RASGRF1: variants seen among roughly 807,000 people sequenced by gnomAD.
The protein encoded by RASGRF1 is ras-specific guanine nucleotide-releasing factor 1.
RASGRF1 carries 40 observed loss-of-function variants against 138.7 expected under a neutral mutation model. That is an observed-to-expected ratio of 0.29 (90% CI 0.22 to 0.38). RASGRF1 has a LOEUF of 0.38. Among genes scored for constraint, RASGRF1 ranks in the 10% least tolerant of loss-of-function variants. The probability of loss-of-function intolerance (pLI) is 1.00; values close to 1 mark genes in which losing one functional copy is unlikely to be tolerated. For missense variants in RASGRF1, 1,108 were observed against 1,650.4 expected, an observed-to-expected ratio of 0.67 and a Z score of 5.69; for synonymous variants, 614 against 663.2, an observed-to-expected ratio of 0.93 and a Z score of 1.14.
chr15:79,036,638 T>G (rs549112617), intron 5 of RASGRF1, among the ~76,000 whole-genome samples: 3 of 152,020 alleles, frequency 2.0e-5, no homozygotes, highest in East Asian at 1.9e-4. Context: ...CAGGGGCCAG[T>G]TGATGGAGGG....
In RASGRF1 at chr15:79,073,690, C is replaced by T. The variant is rs1176081241; in HGVS notation, c.277-9164G>A. On this transcript the variant is annotated intron_variant, in intron 1 of 26. Coordinates refer to ENST00000558480, the MANE Select transcript of RASGRF1 (RefSeq NM_001145648.3). This position sits in a 1 kb window ranked among gnomAD's most constrained non-coding sequence, Gnocchi z 4.2. ...GGACAAGACTGGCTGCCCTGGAACA[C>T]CTGGATTCCACCTCTTCTCAGTTAC... Among the ~76,000 whole-genome samples the T allele has an allele frequency of 6.6e-6, 1 of 152,142 alleles. No homozygotes were observed. Among genetic ancestry groups the T allele is most frequent in the Admixed American group, 6.5e-5 (1 of 15,288 alleles).
At chr15:79,015,189 A>G (rs2056861305) in intron 13 of RASGRF1, 138 bp downstream of exon 13, 14 of 739,604 alleles carry the variant, frequency 1.9e-5, no homozygotes, top group Non-Finnish European at 2.8e-5. Context: ...AAACAAGAAA[A>G]CATCCAAAAC....
chr15:79,019,931 A>G (rs943358606), intron 11 of RASGRF1, 110 bp downstream of exon 11: 4 of 1,364,322 alleles, frequency 2.9e-6, no homozygotes, highest in African/African-American at 2.8e-5. Context: ...TCCGCACTTC[A>G]GCATCCTCCA....
intron 12 of RASGRF1, among the ~76,000 whole-genome samples, chr15:79,016,585 T>C (rs934450973): frequency 6.6e-5 from 10 of 152,214 alleles, no homozygotes; most frequent in Non-Finnish European, 1.5e-5. Context: ...CCCAGGCCTT[T>C]GACGGCTGCG....
chr15:79,049,251 G>A (rs1374850753), intron 4 of RASGRF1, among the ~76,000 whole-genome samples: 1 of 152,096 alleles, frequency 6.6e-6, no homozygotes, highest in Non-Finnish European at 1.5e-5. Context: ...TTCCTCTTGT[G>A]GAACCTGTTT....
At position 79,086,708 on chromosome 15, in the gene RASGRF1, T is replaced by A. The variant is rs148187835; in HGVS notation, c.276+3515A>T. Among the ~76,000 whole-genome samples the A allele has an allele frequency of 1.9e-3, 294 of 152,030 alleles. 3 individuals carry two copies. The highest frequency in any genetic ancestry group is 6.8e-3 in the African/African-American group (284 of 41,470). On this transcript the variant is annotated intron_variant, in intron 1 of 26. Coordinates refer to ENST00000558480, the MANE Select transcript of RASGRF1 (RefSeq NM_001145648.3). ...GTGCCCACATTTTGACCCTTCCTGG[T>A]TGGGAAGAGTGAAAGGAGTGCTGGA...
chr15:79,070,376 T>C (rs566943485), intron 1 of RASGRF1, among the ~76,000 whole-genome samples: 5 of 152,326 alleles, frequency 3.3e-5, no homozygotes, highest in Admixed American at 1.3e-4. Flanking sequence ...AGTTCAGCCT[T>C]AGTTTCTGTC....
At chr15:79,083,594 TTC>T (rs1313504131) in intron 1 of RASGRF1, among the ~76,000 whole-genome samples, 1 of 152,208 alleles carries the variant, frequency 6.6e-6, no homozygotes, top group Non-Finnish European at 1.5e-5. Context: ...CTGCTATTAA[TTC>T]TCTTTCTTTC....
intron 1 of RASGRF1, 26 bp from the exon 2 acceptor site, chr15:79,064,552 A>T: frequency 1.3e-6 from 2 of 1,595,772 alleles, no homozygotes; most frequent in Non-Finnish European, 1.7e-6. Context: ...GACATCTCCA[A>T]TTACCAGAGT....
intron 1 of RASGRF1, among the ~76,000 whole-genome samples, chr15:79,078,159 A>G (rs1453836101): frequency 3.3e-5 from 2 of 61,496 alleles, no homozygotes; most frequent in Non-Finnish European, 5.4e-5. Context: ...GTGTGCATGC[A>G]TGTGCGTATG....
At chr15:78,978,759 C>T (rs922264148) in intron 24 of RASGRF1, 17 of 1,118,732 alleles carry the variant, frequency 1.5e-5, no homozygotes, top group Middle Eastern at 4.1e-4. Flanking sequence ...AGAGGGGGTG[C>T]GGGAAGCATT....
rs531945783 is a variant in RASGRF1, at chr15:79,004,222, T to C, written c.2076-47A>G. ...AAATGACAGTTAGCGTAGGCCTGCC[T>C]GCCCGCCTAGGCCTGGGGGCCGTCT... On this transcript the variant is annotated intron_variant, in intron 14 of 26. Transcript: ENST00000558480. 9.9e-6 allele frequency: 15 copies of C among 1,512,740 alleles called. No homozygotes were observed. The African/African-American group carries it at 2.1e-4, about 21-fold the overall frequency. 93.7% of individuals were successfully genotyped at this position (1,512,740 alleles called of 1,614,324 possible). A position where few individuals can be genotyped will look rare whatever the true frequency, so the allele number is the denominator to read the frequency against.
At chr15:79,076,334 T>C (rs2057833289) in intron 1 of RASGRF1, among the ~76,000 whole-genome samples, 1 of 152,078 alleles carries the variant, frequency 6.6e-6, no homozygotes. Context: ...CTGGTCTTTT[T>C]GAAAGCCCCC....
chr15:79,058,401 G>A lies in RASGRF1; in HGVS notation c.464C>T (p.Thr155Ile), dbSNP rs2057539539. 1 of 1,614,060 alleles carries A rather than the reference G, an allele frequency of 6.2e-7. No homozygotes were observed. Among genetic ancestry groups the A allele is most frequent in the African/African-American group, 1.3e-5 (1 of 74,940 alleles). Residue 155 changes from threonine to isoleucine, a missense_variant, in exon 3 of 27, where the codon ACC becomes ATC. Physicochemically the swap from Thr to Ile is moderately conservative, Grantham distance 89. Coordinates refer to ENST00000558480, the MANE Select transcript of RASGRF1 (RefSeq NM_001145648.3). ...HLLQIVETEKTVAKQLRQQIE... is the reference protein window; with the variant it reads ...HLLQIVETEKIVAKQLRQQIE... ...CTGCTGCCGAAGCTGCTTGGCCACG[G>A]TCTTCTCTGTCTCCACGATCTGCAG...
chr15:79,090,655 C>T lies in RASGRF1; in HGVS notation c.-157G>A. On this transcript the variant is annotated 5_prime_UTR_variant, in exon 1 of 27. Transcript: ENST00000558480. ...AATATCTACACTCCAGGATCTGGCG[C>T]CGAGCCGCGGCTTCTTGAATCCAGA... is the stretch of plus-strand genomic sequence containing the variant. 1 of 1,050,764 alleles carries T rather than the reference C, an allele frequency of 9.5e-7. No individual in the cohort carries two copies. Among genetic ancestry groups the T allele is most frequent in the Non-Finnish European group, 1.3e-6 (1 of 740,874 alleles). 65.1% of individuals were successfully genotyped at this position (1,050,764 alleles called of 1,614,324 possible).
chr15:78,967,722 T>C (rs996156177), intron 26 of RASGRF1, among the ~76,000 whole-genome samples: 1 of 152,242 alleles, frequency 6.6e-6, no homozygotes, highest in East Asian at 1.9e-4. Context: ...TGTTGTCTGT[T>C]TTCCGGCCAA....
At chr15:78,997,057 G>A (rs570790788) in intron 19 of RASGRF1, among the ~76,000 whole-genome samples, 2 of 152,326 alleles carry the variant, frequency 1.3e-5, no homozygotes, top group South Asian at 2.1e-4. Context: ...AGTGACACCC[G>A]TGATCTCATC....
intron 11 of RASGRF1, among the ~76,000 whole-genome samples, chr15:79,018,669 G>A (rs891055522): frequency 6.6e-6 from 1 of 152,184 alleles, no homozygotes; most frequent in Non-Finnish European, 1.5e-5. Flanking sequence ...ATTTCTCTGA[G>A]GTTCCTGTCC....
chr15:79,089,219 C>T (rs1401581628), intron 1 of RASGRF1, among the ~76,000 whole-genome samples: 2 of 152,194 alleles, frequency 1.3e-5, no homozygotes, highest in Non-Finnish European at 2.9e-5. Context: ...AATCACCAGC[C>T]GTTAGGCCCT....
Sources: gnomAD v4.1 joint callset for allele counts (sites outside exome capture counted in the v4.1 genomes callset) on GRCh38, gnomAD v4.1.1 for gene constraint, Gnocchi (gnomAD v3.1) non-coding constraint, MANE v1.5 for transcripts, NCBI Gene and HGNC (gene_info 2026-07-23, HGNC 2026-07-21) for gene names.